Variants in NUP42 observed in about 807,000 individuals in gnomAD.
NUP42 encodes the protein nucleoporin 42.
Under a neutral mutation model 35.9 loss-of-function variants are expected in NUP42, and 47 were observed. The ratio of observed to expected loss-of-function variants is 1.31; its 90% CI spans 1.04 to 1.67. The LOEUF is 1.67. Among genes scored for constraint, NUP42 ranks in the 40% most tolerant of loss-of-function variants. The pLI is 0.00. For missense variants in NUP42, 514 were observed against 492.2 expected (o/e 1.04, Z -0.42); for synonymous variants, 173 against 173.3 (o/e 1.00, Z 0.01).
At chr7:23,184,370 G>T (rs1028103504) in intron 1 of NUP42, among the ~76,000 whole-genome samples, 3 of 152,126 alleles carry the variant, frequency 2.0e-5, no homozygotes, top group African/African-American at 7.2e-5. Context: ...AGGGCCTGGT[G>T]GGGGAGCAAA....
intron 1 of NUP42, among the ~76,000 whole-genome samples, chr7:23,184,320 CTT>C (rs774700324): frequency 6.6e-6 from 1 of 152,158 alleles, no homozygotes; most frequent in Non-Finnish European, 1.5e-5. Flanking sequence ...ATTCGAGAAA[CTT>C]TAATTCAATG....
At chr7:23,195,647 A>C in intron 3 of NUP42, 192 bp from the exon 4 acceptor site, 1 of 468,158 alleles carries the variant, frequency 2.1e-6, no homozygotes. Flanking sequence ...TAAAGATCAG[A>C]ATAACCAACT....
In NUP42 at chr7:23,192,180, C is replaced by A. The variant is rs555477381; in HGVS notation, c.446-3659C>A. ...ACTGATCCTCTGTGCAGTCAAAAATCCACGTATAAGCTTTGACTCCCCAAA... is the reference window on the plus strand; with the variant it reads ...ACTGATCCTCTGTGCAGTCAAAAATACACGTATAAGCTTTGACTCCCCAAA... On this transcript the variant is annotated intron_variant, in intron 3 of 6. Coordinates refer to ENST00000258742, the MANE Select transcript of NUP42 (RefSeq NM_007342.3). Among the ~76,000 whole-genome samples, 4 of 152,230 alleles carry A rather than the reference C, an allele frequency of 2.6e-5. No individual in the cohort carries two copies. The South Asian group carries it at 8.3e-4, about 32-fold the overall frequency.
chr7:23,182,089 G>A lies in NUP42; in HGVS notation c.4G>A (p.Ala2Thr), dbSNP rs977948600. The change falls in exon 1 of 7, where the codon GCC becomes ACC. Residue 2 changes from alanine to threonine, a missense_variant. Ala to Thr is a moderately conservative substitution (Grantham distance 58). Transcript: ENST00000258742. ...CTCCGTCAGCGACGCCGTCGCAATG[G>A]CCATTTGTCAATTCTTCCTTCAAGG... M[A>T]ICQFFLQGRC... The A allele has an allele frequency of 5.6e-6, 9 of 1,613,918 alleles. No individual in the cohort carries two copies. Among genetic ancestry groups the A allele is most frequent in the Non-Finnish European group, 7.6e-6 (9 of 1,180,032 alleles).
rs774952755 is a variant in NUP42 at position 23,188,007 on chromosome 7, A to AT, written c.445+866dup. 7.3e-4 allele frequency: 749 copies of AT among 1,019,828 alleles called. 12 individuals are homozygous for AT. In the African/African-American group the frequency reaches 0.012, roughly 16 times the overall value. The allele number at this position is 1,019,828 out of a possible 1,614,324, so 63.2% of individuals were successfully genotyped here. A position where few individuals can be genotyped will look rare whatever the true frequency, so the allele number is the denominator to read the frequency against. ...TTCTCTCTCTCTTTTTTTATTTTTT[A>AT]TTTTTATTTTTTTTTTTGTCCATAG... On this transcript the variant is annotated intron_variant, in intron 3 of 6. Transcript: ENST00000258742.
At chr7:23,183,204 C>T (rs1785475448) in intron 1 of NUP42, among the ~76,000 whole-genome samples, 1 of 152,028 alleles carries the variant, frequency 6.6e-6, no homozygotes, top group African/African-American at 2.4e-5. Context: ...TGCTGTCTCC[C>T]TTCCTTCCCC....
Position 23,200,452 on chromosome 7 carries a change from C to A in NUP42, c.979C>A (p.Pro327Thr). ...SGLPASLATG[P>T]VRAPVAPAFG... ...ACTTCCAGCTTCCTTGGCAACAGGT[C>A]CTGTCAGAGCTCCAGTGGCCCCAGC... Residue 327 changes from proline (P) to threonine (T), a missense_variant, in exon 7 of 7, where the codon CCT (proline) becomes ACT (threonine). Physicochemically the swap from Pro to Thr is conservative, Grantham distance 38. Coordinates refer to ENST00000258742, the MANE Select transcript of NUP42 (RefSeq NM_007342.3). 6.2e-7 allele frequency: 1 copy of A among 1,614,214 alleles called. No individual in the cohort carries two copies. The highest frequency in any genetic ancestry group is 8.5e-7 in the Non-Finnish European group (1 of 1,180,042).
rs73686541 is a variant in NUP42 at position 23,195,568 on chromosome 7, G to A, written c.446-271G>A. On this transcript the variant is annotated intron_variant, in intron 3 of 6. Coordinates refer to ENST00000258742, the MANE Select transcript of NUP42 (RefSeq NM_007342.3). ...TTAAAATAAAAGTTTGAATATAAAT[G>A]TAGTCAAATCTTTCTCCTGTGTTTG... The A allele has an allele frequency of 7.4e-3, 2,100 of 285,138 alleles. 56 individuals carry two copies. Among genetic ancestry groups the A allele is most frequent in the African/African-American group, 0.043 (1,940 of 44,746 alleles). 17.7% of individuals were successfully genotyped at this position (285,138 alleles called of 1,614,324 possible).
intron 3 of NUP42, among the ~76,000 whole-genome samples, chr7:23,191,634 G>A (rs1161316930): frequency 6.6e-6 from 1 of 152,200 alleles, no homozygotes; most frequent in Non-Finnish European, 1.5e-5. Flanking sequence ...GGAATTCTTT[G>A]TAGAAAATAT....
At chr7:23,185,711 T>G (rs1054198799) in intron 2 of NUP42, among the ~76,000 whole-genome samples, 4 of 152,174 alleles carry the variant, frequency 2.6e-5, no homozygotes, top group African/African-American at 9.6e-5. Flanking sequence ...ACTTGTGAAC[T>G]TGGAGGTCAT....
chr7:23,191,114 C>T (rs1214108881), intron 3 of NUP42, among the ~76,000 whole-genome samples: 1 of 152,160 alleles, frequency 6.6e-6, no homozygotes, highest in Non-Finnish European at 1.5e-5. Context: ...GCAGTGTTTA[C>T]AGACTAGTGG....
rs1418362252 is a variant in NUP42 at position 23,200,666 on chromosome 7, T to G, written c.1193T>G (p.Leu398Arg). ...AGAGATAAACTAACAGTAGAAGAAC[T>G]GGAACAATTTCAATCCAAGAAATTT... Reference protein sequence around the residue: ...TPRDKLTVEELEQFQSKKFTL... With the variant: ...TPRDKLTVEEREQFQSKKFTL... Residue 398 changes from leucine (L) to arginine (R), a missense_variant, in exon 7 of 7, where the codon CTG becomes CGG. Transcript: ENST00000258742. The G allele has an allele frequency of 6.2e-7, 1 of 1,612,774 alleles. No individual in the cohort carries two copies. The highest frequency in any genetic ancestry group is 2.2e-5 in the East Asian group (1 of 44,876).
intron 3 of NUP42, among the ~76,000 whole-genome samples, chr7:23,192,546 C>CAAAAAAAAA (rs200047613): frequency 1.5e-5 from 1 of 65,316 alleles, no homozygotes; most frequent in Non-Finnish European, 3.5e-5. Context: ...GACTTCATCT[C>CAAAAAAAAA]AAAAAAAAAA....
Position 23,200,865 on chromosome 7 carries a change from G to C in NUP42, c.*120G>C. On this transcript the variant is annotated 3_prime_UTR_variant, in exon 7 of 7. Coordinates refer to ENST00000258742, the MANE Select transcript of NUP42 (RefSeq NM_007342.3). ...AGGAATATAAGCTTCCATCAATAGT[G>C]ATTTTAAATTTGATTTTTTTCTTAA... 1 of 507,374 alleles carries C rather than the reference G, an allele frequency of 2.0e-6. No individual in the cohort carries two copies. Among genetic ancestry groups the C allele is most frequent in the Non-Finnish European group, 3.1e-6 (1 of 324,898 alleles). The allele number at this position is 507,374 out of a possible 1,614,324, so 31.4% of individuals were successfully genotyped here.
At chr7:23,184,959 T>A (rs1785539087) in intron 1 of NUP42, 111 bp from the exon 2 acceptor site, 1 of 852,158 alleles carries the variant, frequency 1.2e-6, no homozygotes, top group Non-Finnish European at 1.8e-6. Flanking sequence ...TGAGCCAAGA[T>A]CATGCCACTG....
intron 1 of NUP42, among the ~76,000 whole-genome samples, chr7:23,184,432 C>T (rs1279904587): frequency 6.6e-6 from 1 of 152,138 alleles, no homozygotes; most frequent in Non-Finnish European, 1.5e-5. Flanking sequence ...ATTTATGATG[C>T]ATGCCTTCTG....
intron 3 of NUP42, chr7:23,195,161 T>G (rs1417938344): frequency 6.6e-6 from 1 of 152,256 alleles, no homozygotes; most frequent in Non-Finnish European, 1.5e-5. Context: ...CTTGTGATGC[T>G]TATTAACAAT....
chr7:23,185,436 T>G (rs1785558371), intron 2 of NUP42, 138 bp downstream of exon 2: 13 of 663,164 alleles, frequency 2.0e-5, no homozygotes, highest in Non-Finnish European at 3.0e-5. Flanking sequence ...GCATTATTTT[T>G]AAATCAGAGT....
rs774952755 is a variant in NUP42 at position 23,188,007 on chromosome 7, A to ATTTTT, written c.445+862_445+866dup. The ATTTTT allele has an allele frequency of 6.9e-6, 7 of 1,019,796 alleles. No homozygotes were observed. In the African/African-American group the frequency reaches 9.4e-5, roughly 14 times the overall value. 63.2% of individuals were successfully genotyped at this position (1,019,796 alleles called of 1,614,324 possible). A position where few individuals can be genotyped will look rare whatever the true frequency, so the allele number is the denominator to read the frequency against. ...TTCTCTCTCTCTTTTTTTATTTTTT[A>ATTTTT]TTTTTATTTTTTTTTTTGTCCATAG... On this transcript the variant is annotated intron_variant, in intron 3 of 6. Coordinates refer to ENST00000258742, the MANE Select transcript of NUP42 (RefSeq NM_007342.3).
Sources: gnomAD v4.1 joint callset for allele counts (sites outside exome capture counted in the v4.1 genomes callset) on GRCh38, gnomAD v4.1.1 for gene constraint, MANE v1.5 for transcripts, NCBI Gene and HGNC (gene_info 2026-07-23, HGNC 2026-07-21) for gene names.